DPP10: variants seen among roughly 807,000 people sequenced by gnomAD.
DPP10 encodes dipeptidyl peptidase like 10.
In DPP10, 33 loss-of-function variants were observed where a neutral mutation model predicts 120.9. The ratio of observed to expected loss-of-function variants is 0.27; its 90% CI spans 0.21 to 0.37. DPP10 has a LOEUF of 0.37. DPP10 is among the 10% of genes least tolerant of loss of function. The pLI is 1.00. For synonymous variants in DPP10, 337 were observed against 326.1 expected, an observed-to-expected ratio of 1.03 and a Z score of -0.36; for missense variants, 816 against 942.8, an observed-to-expected ratio of 0.87 and a Z score of 1.76.
chr2:115,499,886 A>G (rs191798266), intron 4 of DPP10, among the ~76,000 whole-genome samples: 128 of 152,176 alleles, frequency 8.4e-4, no homozygotes, highest in African/African-American at 2.9e-3. Flanking sequence ...TATATATAAC[A>G]TTAGTCATAC....
chr2:114,753,908 CAAAAA>C (rs777798352), intron 1 of DPP10, among the ~76,000 whole-genome samples: 385 of 33,698 alleles, frequency 0.011, 1 homozygote, highest in African/African-American at 0.032. Flanking sequence ...GACTCCTTCT[CAAAAA>C]AAAAAAAAAA....
chr2:114,676,156 C>T (rs1056590394), intron 1 of DPP10, among the ~76,000 whole-genome samples: 1 of 152,146 alleles, frequency 6.6e-6, no homozygotes, highest in South Asian at 2.1e-4. Flanking sequence ...AGATTCTGCA[C>T]TTATAATTAA....
In DPP10 at chr2:114,824,115, CA is replaced by C. The variant is rs565162408; in HGVS notation, c.60+381278del. On this transcript the variant is annotated intron_variant, in intron 1 of 25. Transcript: ENST00000410059. ...TACCAAAATTCTCTGGAGTTTTAAC[CA>C]GAGTAGTCTTATGTGTGGAATGAAG... 1.3e-4 allele frequency among the ~76,000 whole-genome samples: 20 copies of C among 152,202 alleles called. 1 individual carries two copies. In the South Asian group the frequency reaches 3.9e-3, roughly 30 times the overall value.
At chr2:115,247,130 T>C (rs1267543120) in intron 1 of DPP10, among the ~76,000 whole-genome samples, 1 of 152,130 alleles carries the variant, frequency 6.6e-6, no homozygotes, top group Non-Finnish European at 1.5e-5. Flanking sequence ...GAAGACATTT[T>C]TGTATTTGAA....
chr2:115,737,864 C>T (rs1676763687), intron 8 of DPP10, among the ~76,000 whole-genome samples: 1 of 152,094 alleles, frequency 6.6e-6, no homozygotes, highest in Admixed American at 6.5e-5. Context: ...AGAAACATCC[C>T]CGGTGTTGCA....
At chr2:115,585,561 C>T (rs954066962) in intron 5 of DPP10, among the ~76,000 whole-genome samples, 1 of 152,182 alleles carries the variant, frequency 6.6e-6, no homozygotes, top group Non-Finnish European at 1.5e-5. Flanking sequence ...TTTCTTCCTC[C>T]TCTTTCCCTT....
chr2:114,869,967 AC>A lies in DPP10; in HGVS notation c.60+427132del, dbSNP rs543617611. 9.2e-5 allele frequency among the ~76,000 whole-genome samples: 14 copies of A among 152,224 alleles called. No individual in the cohort carries two copies. In the South Asian group the frequency reaches 2.9e-3, roughly 32 times the overall value. On this transcript the variant is annotated intron_variant, in intron 1 of 25. Coordinates refer to ENST00000410059, the MANE Select transcript of DPP10 (RefSeq NM_020868.6). The stretch of plus-strand genomic sequence containing the variant: ...TTACCCTCTACGTTTCTAGATTTGA[AC>A]CCTGTAAAATGATCACCAGGTAGGA...
intron 5 of DPP10, among the ~76,000 whole-genome samples, chr2:115,591,804 ATTTG>A (rs1375819715): frequency 1.3e-5 from 2 of 152,174 alleles, no homozygotes; most frequent in African/African-American, 2.4e-5. Context: ...ACATTCTTCC[ATTTG>A]TTTGTGTTCT....
intron 1 of DPP10, among the ~76,000 whole-genome samples, chr2:114,718,495 T>A (rs1701500468): frequency 6.6e-6 from 1 of 151,990 alleles, no homozygotes; most frequent in African/African-American, 2.4e-5. Flanking sequence ...GCTATTGTAT[T>A]GGATAGATAT....
intron 1 of DPP10, among the ~76,000 whole-genome samples, chr2:114,812,595 C>G (rs1037708916): frequency 2.0e-5 from 3 of 151,256 alleles, no homozygotes; most frequent in Admixed American, 6.6e-5. Flanking sequence ...CACACACACA[C>G]ACACACACAC....
intron 3 of DPP10, among the ~76,000 whole-genome samples, chr2:115,483,003 T>G (rs907389145): frequency 6.6e-6 from 1 of 152,082 alleles, no homozygotes; most frequent in Admixed American, 6.6e-5. Flanking sequence ...TCAGTCTTAT[T>G]CAAAGTAATT....
At chr2:114,702,866 T>C (rs1023205013) in intron 1 of DPP10, among the ~76,000 whole-genome samples, 2 of 152,136 alleles carry the variant, frequency 1.3e-5, no homozygotes. Flanking sequence ...CCCCAGAAGA[T>C]AGTCCAGAAA....
At chr2:114,638,063 A>G (rs191588751) in intron 1 of DPP10, among the ~76,000 whole-genome samples, 2 of 152,008 alleles carry the variant, frequency 1.3e-5, no homozygotes, top group East Asian at 1.9e-4. Flanking sequence ...AAGTCTGTAA[A>G]TTGCTTTGGG....
At chr2:114,477,151 G>T (rs1573439751) in intron 1 of DPP10, among the ~76,000 whole-genome samples, 1 of 151,840 alleles carries the variant, frequency 6.6e-6, no homozygotes, top group Admixed American at 6.6e-5. Context: ...TAGAGGCATG[G>T]TTTCACCATG....
chr2:115,621,578 A>G (rs927221964), intron 5 of DPP10, among the ~76,000 whole-genome samples: 1 of 152,224 alleles, frequency 6.6e-6, no homozygotes, highest in Non-Finnish European at 1.5e-5. Context: ...CAGAATGGAA[A>G]ACATAACTCC....
intron 1 of DPP10, among the ~76,000 whole-genome samples, chr2:114,885,440 A>G (rs1691989859): frequency 6.6e-6 from 1 of 152,306 alleles, no homozygotes; most frequent in Admixed American, 6.5e-5. Context: ...TCAACATGAG[A>G]CTTGGGCAGG....
chr2:114,793,814 T>A (rs1683457234), intron 1 of DPP10, among the ~76,000 whole-genome samples: 1 of 152,190 alleles, frequency 6.6e-6, no homozygotes, highest in African/African-American at 2.4e-5. Flanking sequence ...TCCCTCCCCT[T>A]GGTGCCAATT....
chr2:115,404,435 A>G (rs1161876173), intron 3 of DPP10, among the ~76,000 whole-genome samples: 4 of 152,310 alleles, frequency 2.6e-5, no homozygotes, highest in Non-Finnish European at 4.4e-5. Flanking sequence ...AGGTGGGGAC[A>G]ACATCCAAAC....
intron 3 of DPP10, among the ~76,000 whole-genome samples, chr2:115,472,189 A>G (rs1239845177): frequency 6.6e-6 from 1 of 152,186 alleles, no homozygotes; most frequent in Non-Finnish European, 1.5e-5. Context: ...TCTGACAAGC[A>G]TATTCAGTAA....
Sources: allele counts gnomAD v4.1 joint callset (sites outside exome capture counted in the v4.1 genomes callset), GRCh38; gene constraint gnomAD v4.1.1; transcripts MANE v1.5; gene names NCBI Gene and HGNC (gene_info 2026-07-23, HGNC 2026-07-21).